THSD4: variants seen among roughly 807,000 people sequenced by gnomAD.
THSD4 encodes the protein thrombospondin type-1 domain-containing protein 4.
In THSD4, 69 loss-of-function variants were observed where a neutral mutation model predicts 119.0. The ratio of observed to expected loss-of-function variants is 0.58; its 90% CI spans 0.48 to 0.71. The LOEUF (loss-of-function observed/expected upper bound fraction) is 0.71, where lower values mean the gene tolerates loss of function less well. THSD4 is among the 30% of genes least tolerant of loss of function. The pLI is 0.00. For missense variants in THSD4, 1,393 were observed against 1,391.1 expected (o/e 1.00, Z -0.02); for synonymous variants, 524 against 540.4 (o/e 0.97, Z 0.42).
At chr15:71,307,733 A>G (rs1453284017) in intron 6 of THSD4, among the ~76,000 whole-genome samples, 2 of 152,126 alleles carry the variant, frequency 1.3e-5, no homozygotes, top group African/African-American at 4.8e-5. Context: ...GCACCACTGC[A>G]CTCTCCAGCC....
rs574959321 is a variant in THSD4, at chr15:71,206,433, C to T, written c.100-8602C>T. Among the ~76,000 whole-genome samples the T allele has an allele frequency of 3.9e-5, 6 of 152,330 alleles. No individual in the cohort carries two copies. The South Asian group carries it at 1.2e-3, about 32-fold the overall frequency. ...TTCATTTGCTCTCAGGTTCCCAAAA[C>T]TTTGTTCTCAGGGCTCAAACTCCAA... On this transcript the variant is annotated intron_variant, in intron 3 of 17. Coordinates refer to ENST00000261862, the MANE Select transcript of THSD4 (RefSeq NM_024817.3).
In THSD4 at chr15:71,567,600, C is replaced by CCCT. The variant is rs750647063; in HGVS notation, c.1153-92928_1153-92927insTCC. On this transcript the variant is annotated intron_variant, in intron 7 of 17. Coordinates refer to ENST00000261862, the MANE Select transcript of THSD4 (RefSeq NM_024817.3). ...CTCCTGGACAAGAACAAAGACACCCCCCCACACACACACACACACACATGA... is the reference window on the plus strand; with the variant it reads ...CTCCTGGACAAGAACAAAGACACCCCCCTCCCACACACACACACACACACATGA... Among the ~76,000 whole-genome samples, 291 of 138,124 alleles carry CCCT rather than the reference C, an allele frequency of 2.1e-3. 5 individuals carry two copies. Among genetic ancestry groups the CCCT allele is most frequent in the Non-Finnish European group, 3.4e-3 (215 of 62,334 alleles). The allele number at this position is 138,124 out of a possible 152,430, so 90.6% of individuals were successfully genotyped here. A position where few individuals can be genotyped will look rare whatever the true frequency, so the allele number is the denominator to read the frequency against.
In THSD4 at chr15:71,554,380, A is replaced by C. The variant is rs193257523; in HGVS notation, c.1153-106150A>C. ...AAAGTGCTGAGATTACAGGCGTGAG[A>C]CACCATGCCCCGGTTTTTTTTGTTT... On this transcript the variant is annotated intron_variant, in intron 7 of 17. Transcript: ENST00000261862. 2.7e-4 allele frequency among the ~76,000 whole-genome samples: 41 copies of C among 149,810 alleles called. 1 individual carries two copies. Among genetic ancestry groups the C allele is most frequent in the Admixed American group, 1.9e-3 (28 of 15,030 alleles).
At chr15:71,439,583 A>T (rs1298049477) in intron 7 of THSD4, among the ~76,000 whole-genome samples, 1 of 152,182 alleles carries the variant, frequency 6.6e-6, no homozygotes, top group Non-Finnish European at 1.5e-5. Context: ...TTGCAGCACT[A>T]CTCACAATAG....
In THSD4 at chr15:71,700,463, CGAA is replaced by C. The variant is rs140059596; in HGVS notation, c.1358-28083_1358-28081del. Among the ~76,000 whole-genome samples, 452 of 152,182 alleles carry C rather than the reference CGAA, an allele frequency of 3.0e-3. 3 individuals are homozygous for C. Among genetic ancestry groups the C allele is most frequent in the African/African-American group, 0.01 (429 of 41,550 alleles). On this transcript the variant is annotated intron_variant, in intron 8 of 17. Transcript: ENST00000261862. ...AAATGACAAAACAACATATTTCAGT[CGAA>C]GACAACTCCTTACTAAAAAGCCATC...
chr15:71,149,469 G>C (rs762816228), intron 2 of THSD4, among the ~76,000 whole-genome samples: 1 of 151,892 alleles, frequency 6.6e-6, no homozygotes, highest in Non-Finnish European at 1.5e-5. Flanking sequence ...GGCTGGTCTC[G>C]AACTTGTGAC....
chr15:71,588,073 G>A (rs1365826437), intron 7 of THSD4, among the ~76,000 whole-genome samples: 13 of 151,888 alleles, frequency 8.6e-5, no homozygotes, highest in African/African-American at 2.7e-4. Context: ...TTGGGAGGCC[G>A]AGGTGGGCGG....
intron 5 of THSD4, among the ~76,000 whole-genome samples, chr15:71,243,960 T>C (rs2044177062): frequency 6.6e-6 from 1 of 151,730 alleles, no homozygotes; most frequent in Admixed American, 6.6e-5. Flanking sequence ...AATTTTTCTG[T>C]TTTTTTAGTA....
intron 7 of THSD4, among the ~76,000 whole-genome samples, chr15:71,428,080 G>T (rs867861016): frequency 2.0e-5 from 3 of 152,192 alleles, no homozygotes; most frequent in South Asian, 4.1e-4. Context: ...GAGAAATGAG[G>T]GGAAACTTCA....
rs373080794 is a variant in THSD4, at chr15:71,379,023, ATCC to A, written c.1016-32658_1016-32656del. Among the ~76,000 whole-genome samples, 40 of 152,282 alleles carry A rather than the reference ATCC, an allele frequency of 2.6e-4. No individual in the cohort carries two copies. In the East Asian group the frequency reaches 6.4e-3, roughly 24 times the overall value. ...GGTCTTGAACTCCTGGGCTCAAACAATCCTCCTCTGTTGGCCTCCCAAAGCGCT... is the reference window on the plus strand; with the variant it reads ...GGTCTTGAACTCCTGGGCTCAAACAATCCTCTGTTGGCCTCCCAAAGCGCT... On this transcript the variant is annotated intron_variant, in intron 6 of 17. Transcript: ENST00000261862.
intron 7 of THSD4, among the ~76,000 whole-genome samples, chr15:71,518,289 A>G (rs1595849813): frequency 6.6e-6 from 1 of 151,914 alleles, no homozygotes; most frequent in South Asian, 2.1e-4. Context: ...AGAAGTTATG[A>G]TACCTTGGAA....
intron 6 of THSD4, among the ~76,000 whole-genome samples, chr15:71,400,289 C>A (rs1360334843): frequency 2.0e-5 from 3 of 152,208 alleles, no homozygotes; most frequent in African/African-American, 7.2e-5. Context: ...CGCCCAAAAC[C>A]TTTTCTTTTT....
chr15:71,515,523 C>T (rs978999627), intron 7 of THSD4, among the ~76,000 whole-genome samples: 20 of 152,190 alleles, frequency 1.3e-4, no homozygotes, highest in Middle Eastern at 3.4e-3. Context: ...GTCTCTGTGT[C>T]CCCATGTCTA....
chr15:71,182,861 G>C (rs1042812263), intron 3 of THSD4, among the ~76,000 whole-genome samples: 3 of 151,712 alleles, frequency 2.0e-5, no homozygotes, highest in Admixed American at 6.6e-5. Context: ...TGGTTAGTTT[G>C]GAGAAACAGA....
In THSD4 at chr15:71,174,880, G is replaced by A. The variant is rs1372498489; in HGVS notation, c.99+19948G>A. 1.3e-5 allele frequency among the ~76,000 whole-genome samples: 2 copies of A among 151,174 alleles called. 1 individual carries two copies. The highest frequency in any genetic ancestry group is 3.0e-5 in the Non-Finnish European group (2 of 67,368). ...AGGCACCCCCCAGCAGGGGCACACT[G>A]ACACCTCACAAGGCAGGGTATTCCA... On this transcript the variant is annotated intron_variant, in intron 3 of 17. Coordinates refer to ENST00000261862, the MANE Select transcript of THSD4 (RefSeq NM_024817.3).
intron 7 of THSD4, among the ~76,000 whole-genome samples, chr15:71,526,560 C>A (rs2048522433): frequency 6.6e-6 from 1 of 151,998 alleles, no homozygotes; most frequent in Admixed American, 6.6e-5. Flanking sequence ...CTGGAATATT[C>A]CAGGAATAGT....
At chr15:71,770,265 A>C (rs1440371324) in intron 16 of THSD4, among the ~76,000 whole-genome samples, 1 of 128,722 alleles carries the variant, frequency 7.8e-6, no homozygotes, top group African/African-American at 3.4e-5. Context: ...AAAAAAAAAA[A>C]AGGACTTTCT....
Position 71,435,229 on chromosome 15 carries a change from A to AC in THSD4, c.1152+23410dup, listed in dbSNP as rs528563093. Among the ~76,000 whole-genome samples, 9 of 152,308 alleles carry AC rather than the reference A, an allele frequency of 5.9e-5. No individual in the cohort carries two copies. The East Asian group carries it at 1.7e-3, about 29-fold the overall frequency. On this transcript the variant is annotated intron_variant, in intron 7 of 17. Coordinates refer to ENST00000261862, the MANE Select transcript of THSD4 (RefSeq NM_024817.3). ...GACTGGTTCTCTGACTGGGAAACCA[A>AC]CCCCAGACAGAGCAGAGAAAGTTCA...
rs530570340 is a variant in THSD4, at chr15:71,633,806, G to A, written c.1153-26724G>A. ...GGGCATGGGATTTAACAACAGATAA[G>A]CCTGGTCTAGTCCAATGTCCACTGC... On this transcript the variant is annotated intron_variant, in intron 7 of 17. Transcript: ENST00000261862. 6.6e-4 allele frequency among the ~76,000 whole-genome samples: 101 copies of A among 152,278 alleles called. 1 individual carries two copies. The highest frequency in any genetic ancestry group is 1.8e-3 in the African/African-American group (73 of 41,570).
Sources: gnomAD v4.1 joint callset for allele counts (sites outside exome capture counted in the v4.1 genomes callset) on GRCh38, gnomAD v4.1.1 for gene constraint, MANE v1.5 for transcripts, NCBI Gene and HGNC (gene_info 2026-07-23, HGNC 2026-07-21) for gene names.